CCDC181: variants seen among roughly 807,000 people sequenced by gnomAD.
CCDC181 encodes the protein coiled-coil domain containing 181, also known as coiled-coil domain-containing protein 181.
In CCDC181, 35 loss-of-function variants were observed where a neutral mutation model predicts 58.7. The observed-to-expected ratio is 0.60, with a 90% CI of 0.46 to 0.79. CCDC181 has a LOEUF of 0.79. Among genes scored for constraint, CCDC181 ranks in the 30% least tolerant of loss-of-function variants. The pLI, the probability that CCDC181 is intolerant of heterozygous loss-of-function variation, is 0.00. For synonymous variants in CCDC181, 183 were observed against 197.5 expected (o/e 0.93, Z 0.62); for missense variants, 517 against 583.9 (o/e 0.89, Z 1.18).
intron 2 of CCDC181, among the ~76,000 whole-genome samples, chr1:169,455,453 T>G (rs1657656510): frequency 6.6e-6 from 1 of 152,104 alleles, no homozygotes; most frequent in Non-Finnish European, 1.5e-5. Context: ...CCCCACTAAT[T>G]AACAATTTAG....
At chr1:169,397,652 C>T (rs1655123529) in intron 4 of CCDC181, among the ~76,000 whole-genome samples, 1 of 152,092 alleles carries the variant, frequency 6.6e-6, no homozygotes, top group Non-Finnish European at 1.5e-5. Flanking sequence ...TAAGGATTTT[C>T]AGTCATAAGA....
chr1:169,413,014 A>G (rs1296408732), intron 4 of CCDC181, among the ~76,000 whole-genome samples: 1 of 152,222 alleles, frequency 6.6e-6, no homozygotes, highest in Non-Finnish European at 1.5e-5. Flanking sequence ...AAAAGCCAAC[A>G]TTGACAAATG....
At chr1:169,404,295 C>T (rs1404189380) in intron 4 of CCDC181, among the ~76,000 whole-genome samples, 1 of 152,176 alleles carries the variant, frequency 6.6e-6, no homozygotes, top group African/African-American at 2.4e-5. Flanking sequence ...AGAGGGAATC[C>T]TCCCTAACTC....
intron 2 of CCDC181, among the ~76,000 whole-genome samples, chr1:169,458,186 T>C (rs1657731297): frequency 7.3e-6 from 1 of 137,194 alleles, no homozygotes. Flanking sequence ...TTTTTTTTTT[T>C]TTGTTTTGTT....
chr1:169,396,055 TATC>T (rs1263981542), intron 5 of CCDC181: 1 of 152,202 alleles, frequency 6.6e-6, no homozygotes, highest in Non-Finnish European at 1.5e-5. Context: ...TATTCGGTAA[TATC>T]ATTAATGAAA....
At chr1:169,400,668 G>C (rs1460604495) in intron 4 of CCDC181, among the ~76,000 whole-genome samples, 1 of 152,142 alleles carries the variant, frequency 6.6e-6, no homozygotes, top group Non-Finnish European at 1.5e-5. Flanking sequence ...TAAAGAAATG[G>C]AAATTTAAAA....
intron 2 of CCDC181, among the ~76,000 whole-genome samples, chr1:169,457,127 T>C (rs1316993824): frequency 1.3e-5 from 2 of 152,088 alleles, no homozygotes; most frequent in Non-Finnish European, 2.9e-5. Context: ...TAACTGATTC[T>C]TTTTTTATAT....
intron 2 of CCDC181, among the ~76,000 whole-genome samples, chr1:169,438,799 G>T (rs1416443784): frequency 6.6e-6 from 1 of 152,110 alleles, no homozygotes; most frequent in African/African-American, 2.4e-5. Context: ...AGATAAATAA[G>T]GGGGGGTTCT....
intron 4 of CCDC181, among the ~76,000 whole-genome samples, chr1:169,408,307 A>G (rs933197496): frequency 6.6e-6 from 1 of 152,208 alleles, no homozygotes; most frequent in Non-Finnish European, 1.5e-5. Flanking sequence ...AACTGGGCAG[A>G]GCCCACCACA....
At chr1:169,457,161 C>A (rs191088283) in intron 2 of CCDC181, among the ~76,000 whole-genome samples, 15 of 152,206 alleles carry the variant, frequency 9.9e-5, no homozygotes, top group Admixed American at 8.5e-4. Flanking sequence ...TCTCTGGCTG[C>A]TTTTATGATC....
intron 4 of CCDC181, among the ~76,000 whole-genome samples, chr1:169,407,515 T>G (rs1258474314): frequency 2.6e-5 from 4 of 152,162 alleles, no homozygotes; most frequent in African/African-American, 9.7e-5. Flanking sequence ...AAAGGACTGT[T>G]TTTTAAATAC....
In CCDC181 at chr1:169,425,817, G is replaced by A. The variant is rs3766100; in HGVS notation, c.-23-867C>T. On this transcript the variant is annotated intron_variant, in intron 1 of 5. Transcript: ENST00000367806. ...TGTTTGAGTTACATAAATATTATAA[G>A]AATATTTCTTTGGAACTCTTCAGTG... 3.3e-5 allele frequency among the ~76,000 whole-genome samples: 5 copies of A among 152,092 alleles called. No individual in the cohort carries two copies. The East Asian group carries it at 7.7e-4, about 23-fold the overall frequency.
intron 4 of CCDC181, among the ~76,000 whole-genome samples, chr1:169,415,393 G>C (rs1304679100): frequency 6.6e-6 from 1 of 152,074 alleles, no homozygotes; most frequent in African/African-American, 2.4e-5. Flanking sequence ...ACCCTTGTTA[G>C]TTCTCTGTAA....
chr1:169,416,303 G>T (rs996592227), intron 4 of CCDC181, among the ~76,000 whole-genome samples: 1 of 152,146 alleles, frequency 6.6e-6, no homozygotes, highest in Non-Finnish European at 1.5e-5. Context: ...CATGGGTCAC[G>T]CCAGCCTTCT....
rs1654936102 is a variant in CCDC181 at position 169,395,089 on chromosome 1, CAT to C, written c.1486_1487del (p.Met496ValfsTer10). ...TAAAACGAAAAGGTTTGGCTTCTGACATATATAGGTGGTGCTGTAACTGTTTA... is the reference window on the plus strand; with the variant it reads ...TAAAACGAAAAGGTTTGGCTTCTGACATATAGGTGGTGCTGTAACTGTTTA... ...RSKQLQHHLY[M>X]SEAKPFRFTD... is the part of the protein sequence containing the mutation. On this transcript the variant is annotated frameshift_variant, in exon 6 of 6. Transcript: ENST00000367806. LOFTEE classifies it high-confidence loss of function. 1 of 1,611,300 alleles carries C rather than the reference CAT, an allele frequency of 6.2e-7. No homozygotes were observed. Among genetic ancestry groups the C allele is most frequent in the Admixed American group, 1.7e-5 (1 of 59,488 alleles).
chr1:169,435,167 T>C (rs769439650), intron 2 of CCDC181, among the ~76,000 whole-genome samples: 94 of 152,188 alleles, frequency 6.2e-4, no homozygotes, highest in Non-Finnish European at 9.4e-4. Flanking sequence ...TGATAGATGC[T>C]ACAACATTGA....
At chr1:169,395,381 C>T (rs1356681585) in intron 5 of CCDC181, among the ~76,000 whole-genome samples, 175 bp from the exon 6 acceptor site, 4 of 152,174 alleles carry the variant, frequency 2.6e-5, no homozygotes, top group African/African-American at 9.7e-5. Context: ...AAGGCTCATA[C>T]AAGAAAGGAC....
intron 2 of CCDC181, among the ~76,000 whole-genome samples, chr1:169,455,404 C>G (rs988403679): frequency 3.9e-5 from 6 of 151,924 alleles, no homozygotes; most frequent in African/African-American, 1.4e-4. Flanking sequence ...ATATCAGGCC[C>G]TAGTAATTTC....
chr1:169,396,851 G>A (rs4590731), intron 5 of CCDC181, among the ~76,000 whole-genome samples: 11,242 of 152,118 alleles, frequency 0.074, 1,540 homozygotes, highest in East Asian at 0.66. Flanking sequence ...TTTATTGGTT[G>A]CATTTATTTG....
Sources: gnomAD v4.1 joint callset for allele counts (sites outside exome capture counted in the v4.1 genomes callset) on GRCh38, gnomAD v4.1.1 for gene constraint, MANE v1.5 for transcripts, NCBI Gene and HGNC (gene_info 2026-07-23, HGNC 2026-07-21) for gene names.